Variants in ABTB3 observed in about 807,000 individuals in gnomAD.
ABTB3 encodes the protein ankyrin repeat and BTB domain containing 3.
the ABTB3 span, among the ~76,000 whole-genome samples, chr12:107,559,529 A>G: frequency 3.5e-4 from 54 of 152,270 alleles, no homozygotes; most frequent in African/African-American, 1.3e-3. Context: ...AGCTCATCCC[A>G]CTTTTGAACC....
chr12:107,458,324 T>A, the ABTB3 span, among the ~76,000 whole-genome samples: 1 of 152,166 alleles, frequency 6.6e-6, no homozygotes, highest in Non-Finnish European at 1.5e-5. Flanking sequence ...GTGACTTGCA[T>A]AAGGTCACTC....
At chr12:107,413,232 C>T in the ABTB3 span, among the ~76,000 whole-genome samples, 1 of 152,130 alleles carries the variant, frequency 6.6e-6, no homozygotes, top group Admixed American at 6.5e-5. Flanking sequence ...CGAGATCGCG[C>T]CACTGCACTC....
At chr12:107,387,387 G>T in the ABTB3 span, among the ~76,000 whole-genome samples, 1 of 152,152 alleles carries the variant, frequency 6.6e-6, no homozygotes, top group African/African-American at 2.4e-5. Flanking sequence ...AGGTGTCCTT[G>T]ATCAGCCTAC....
At chr12:107,346,410 T>A in the ABTB3 span, among the ~76,000 whole-genome samples, 809 of 152,246 alleles carry the variant, frequency 5.3e-3, 5 homozygotes, top group African/African-American at 0.017. Flanking sequence ...CTATAGCTCT[T>A]CGTTACAAGA....
At chr12:107,465,483 C>G in the ABTB3 span, among the ~76,000 whole-genome samples, 1 of 152,196 alleles carries the variant, frequency 6.6e-6, no homozygotes, top group Non-Finnish European at 1.5e-5. Context: ...GCTTGGCACA[C>G]AGTAGGGACT....
chr12:107,336,061 C>T, the ABTB3 span, among the ~76,000 whole-genome samples: 1 of 152,232 alleles, frequency 6.6e-6, no homozygotes, highest in African/African-American at 2.4e-5. Context: ...GCTGCATCCT[C>T]ACCTCCCAGG....
the ABTB3 span, among the ~76,000 whole-genome samples, chr12:107,328,521 TTTC>T: frequency 8.5e-5 from 13 of 152,344 alleles, no homozygotes; most frequent in African/African-American, 3.1e-4. Context: ...GTGTCTGTCT[TTTC>T]TTCTTTGCCT....
the ABTB3 span, among the ~76,000 whole-genome samples, chr12:107,407,302 C>T: frequency 1.9e-4 from 29 of 152,292 alleles, no homozygotes; most frequent in African/African-American, 5.8e-4. Flanking sequence ...TTTTGCTGCA[C>T]GACAAATCAC....
the ABTB3 span, among the ~76,000 whole-genome samples, chr12:107,566,680 C>A: frequency 9.9e-5 from 15 of 151,476 alleles, no homozygotes; most frequent in African/African-American, 2.2e-4. Context: ...CACACACACA[C>A]ACACAAACAT....
the ABTB3 span, among the ~76,000 whole-genome samples, chr12:107,601,055 T>A: frequency 1.3e-5 from 2 of 152,260 alleles, no homozygotes; most frequent in African/African-American, 2.4e-5. Flanking sequence ...ACGCATTCCA[T>A]GTATTAGGCA....
chr12:107,520,620 C>A, the ABTB3 span: 4 of 1,614,178 alleles, frequency 2.5e-6, no homozygotes, highest in Admixed American at 6.7e-5. Flanking sequence ...CGCGCGTAGG[C>A]AGCATCGCCG....
At chr12:107,562,464 G>T in the ABTB3 span, among the ~76,000 whole-genome samples, 1 of 152,242 alleles carries the variant, frequency 6.6e-6, no homozygotes, top group Non-Finnish European at 1.5e-5. Context: ...TAAGTGCAAA[G>T]GCTCTGGGGC....
the ABTB3 span, among the ~76,000 whole-genome samples, chr12:107,476,784 G>A: frequency 6.6e-6 from 1 of 151,794 alleles, no homozygotes; most frequent in Non-Finnish European, 1.5e-5. Context: ...TGAAGGCAGG[G>A]AATGTGTGTG....
At chr12:107,609,551 T>C in the ABTB3 span, among the ~76,000 whole-genome samples, 114 of 152,342 alleles carry the variant, frequency 7.5e-4, no homozygotes, top group African/African-American at 2.5e-3. Context: ...CCACCCAGTC[T>C]GTGTTCATTC....
the ABTB3 span, among the ~76,000 whole-genome samples, chr12:107,529,430 A>G: frequency 1.3e-5 from 2 of 151,996 alleles, no homozygotes; most frequent in African/African-American, 4.8e-5. Context: ...AATCATGATG[A>G]TGTACATGAT....
chr12:107,426,689 T>C, the ABTB3 span, among the ~76,000 whole-genome samples: 2 of 151,960 alleles, frequency 1.3e-5, no homozygotes, highest in African/African-American at 4.8e-5. Flanking sequence ...AGGGTGAAGG[T>C]CGGCACTGCC....
At chr12:107,478,887 C>T in the ABTB3 span, among the ~76,000 whole-genome samples, 1 of 152,100 alleles carries the variant, frequency 6.6e-6, no homozygotes, top group South Asian at 2.1e-4. Context: ...TTTGTCCCAA[C>T]ACACACTGAA....
chr12:107,419,007 A>C, the ABTB3 span, among the ~76,000 whole-genome samples: 1 of 152,142 alleles, frequency 6.6e-6, no homozygotes, highest in Non-Finnish European at 1.5e-5. Context: ...AGTTCAAAGG[A>C]GCAGGTTGCT....
At chr12:107,411,711 G>A in the ABTB3 span, among the ~76,000 whole-genome samples, 3 of 152,194 alleles carry the variant, frequency 2.0e-5, no homozygotes, top group African/African-American at 7.2e-5. Context: ...TATGCCAAGT[G>A]TCTTCTCCTC....
Sources: allele counts gnomAD v4.1 joint callset (sites outside exome capture counted in the v4.1 genomes callset), GRCh38; gene constraint gnomAD v4.1.1; transcripts MANE v1.5; gene names NCBI Gene and HGNC (gene_info 2026-07-23, HGNC 2026-07-21).